The following COL26A1 variants were observed in gnomAD, a reference collection of about 807,000 sequenced individuals.
COL26A1 encodes the protein collagen alpha-1(XXVI) chain.
A neutral mutation model predicts 59.3 loss-of-function variants in COL26A1; 41 were observed. The ratio of observed to expected loss-of-function variants is 0.69; its 90% CI spans 0.54 to 0.90. The LOEUF (loss-of-function observed/expected upper bound fraction) is 0.90, where lower values mean the gene tolerates loss of function less well. COL26A1 is among the 40% of genes least tolerant of loss of function. COL26A1 has a pLI of 0.00. For synonymous variants in COL26A1, 266 were observed against 256.0 expected (o/e 1.04, Z -0.37); for missense variants, 612 against 602.3 (o/e 1.02, Z -0.17).
At chr7:101,493,697 G>C (rs556244996) in intron 3 of COL26A1, among the ~76,000 whole-genome samples, 43 of 149,852 alleles carry the variant, frequency 2.9e-4, no homozygotes, top group African/African-American at 1.0e-3. Context: ...CCAAGGTGGA[G>C]GATCACGAGG....
chr7:101,551,238 T>TTGGGGGGGGGGGCC, intron 10 of COL26A1, 95 bp downstream of exon 10: 1 of 491,350 alleles, frequency 2.0e-6, no homozygotes, highest in Non-Finnish European at 4.0e-6. Context: ...GGTGGGGGGG[T>TTGGGGGGGGGGGCC]TCAGCCCTGG....
At chr7:101,542,830 T>A (rs1275908827) in intron 5 of COL26A1, among the ~76,000 whole-genome samples, 1 of 152,084 alleles carries the variant, frequency 6.6e-6, no homozygotes, top group East Asian at 1.9e-4. Context: ...GTCCCTAAGG[T>A]CTCACCCCCA....
At chr7:101,433,441 G>A (rs1792828318) in intron 2 of COL26A1, among the ~76,000 whole-genome samples, 1 of 152,150 alleles carries the variant, frequency 6.6e-6, no homozygotes, top group Non-Finnish European at 1.5e-5. Context: ...TGGGGCTTAG[G>A]AGGGGAGGCA....
In COL26A1 at chr7:101,475,809, T is replaced by TTCCTTCCTTCCTTCC. The variant is rs1563000047; in HGVS notation, c.385+28023_385+28024insCCTTCCTTCCTTCCT. 4.2e-4 allele frequency among the ~76,000 whole-genome samples: 17 copies of TTCCTTCCTTCCTTCC among 40,948 alleles called. 1 individual carries two copies. The highest frequency in any genetic ancestry group is 2.4e-3 in the African/African-American group (17 of 7,110). 26.9% of individuals were successfully genotyped at this position (40,948 alleles called of 152,430 possible). A position where few individuals can be genotyped will look rare whatever the true frequency, so the allele number is the denominator to read the frequency against. The stretch of plus-strand genomic sequence containing the variant: ...CTTTCCTTCCTTCCTTCCTTCCTTC[T>TTCCTTCCTTCCTTCC]TTCTTTCTTTCTCTCTCTTTCTCTC... On this transcript the variant is annotated intron_variant, in intron 3 of 12. Transcript: ENST00000313669.
intron 3 of COL26A1, among the ~76,000 whole-genome samples, chr7:101,487,683 C>G (rs534206754): frequency 7.0e-4 from 106 of 152,326 alleles, no homozygotes; most frequent in Non-Finnish European, 2.1e-4. Flanking sequence ...CTGGCCACCA[C>G]TGTGTCCCCA....
At chr7:101,513,473 T>C (rs904613546) in intron 3 of COL26A1, among the ~76,000 whole-genome samples, 1 of 151,980 alleles carries the variant, frequency 6.6e-6, no homozygotes, top group Non-Finnish European at 1.5e-5. Context: ...ACTACAGGCA[T>C]GTGTCACCGT....
At chr7:101,401,424 GAGGAGA>G (rs1329237666) in intron 1 of COL26A1, among the ~76,000 whole-genome samples, 7 of 151,976 alleles carry the variant, frequency 4.6e-5, no homozygotes, top group African/African-American at 1.7e-4. Flanking sequence ...GCAGGAGGTG[GAGGAGA>G]AGGAGAAGGA....
rs544652946 is a variant in COL26A1 at position 101,457,959 on chromosome 7, C to T, written c.385+10172C>T. Among the ~76,000 whole-genome samples the T allele has an allele frequency of 1.4e-4, 21 of 149,306 alleles. No homozygotes were observed. The South Asian group carries it at 1.7e-3, about 12-fold the overall frequency. ...TTGCCCAAGCAGGAGAGCAATGGCA[C>T]GATCTCGGCTCATTGCAACCTCCGC... is the stretch of plus-strand genomic sequence containing the variant. On this transcript the variant is annotated intron_variant, in intron 3 of 12. Coordinates refer to ENST00000313669, the MANE Select transcript of COL26A1 (RefSeq NM_001278563.3).
chr7:101,546,401 AT>A (rs79673492), intron 7 of COL26A1, among the ~76,000 whole-genome samples: 12,628 of 141,750 alleles, frequency 0.089, 1,046 homozygotes, highest in African/African-American at 0.22. Context: ...CATCTAACTA[AT>A]TTTTTTTTTT....
At chr7:101,539,004 G>C (rs2130651777) in intron 4 of COL26A1, among the ~76,000 whole-genome samples, 1 of 152,340 alleles carries the variant, frequency 6.6e-6, no homozygotes, top group South Asian at 2.1e-4. Context: ...GGCCTCTTCG[G>C]GGGCAGCAGA....
At chr7:101,477,764 A>G (rs1794080796) in intron 3 of COL26A1, among the ~76,000 whole-genome samples, 1 of 151,888 alleles carries the variant, frequency 6.6e-6, no homozygotes, top group South Asian at 2.1e-4. Flanking sequence ...TGTTTTCAGC[A>G]CCTCTGTATA....
chr7:101,531,138 T>G (rs1366164132), intron 3 of COL26A1, among the ~76,000 whole-genome samples: 2 of 152,020 alleles, frequency 1.3e-5, no homozygotes, highest in Non-Finnish European at 2.9e-5. Flanking sequence ...GCCTGGCTAA[T>G]TTTTTGTATT....
rs969740927 is a variant in COL26A1, at chr7:101,419,998, G to A, written c.180G>A (p.Val60=). ...ASRRHWCHHT[V]TRTVSCQVQN... ...ACAGGCACTGGTGCCATCACACAGT[G>A]ACACGGACGGTGTCCTGCCAGGTGC... is the stretch of plus-strand genomic sequence containing the variant. Residue 60 remains valine, a synonymous_variant, in exon 2 of 13, where the codon GTG becomes GTA. Transcript: ENST00000313669. 2.5e-6 allele frequency: 4 copies of A among 1,613,630 alleles called. No homozygotes were observed. In the African/African-American group the frequency reaches 4.0e-5, roughly 16 times the overall value.
chr7:101,474,711 G>A (rs1043081670), intron 3 of COL26A1, among the ~76,000 whole-genome samples: 1 of 152,186 alleles, frequency 6.6e-6, no homozygotes, highest in Non-Finnish European at 1.5e-5. Context: ...CCATTGCTAA[G>A]TCCATAGTTA....
Position 101,532,996 on chromosome 7 carries a change from C to T in COL26A1, c.386-86C>T, listed in dbSNP as rs1026116726. On this transcript the variant is annotated intron_variant, in intron 3 of 12. Transcript: ENST00000313669. ...GACTGGAGATTTCTCTGCTTGCCTG[C>T]CTGCCCAGAGGCTATCCTGGTGACT... 17 of 992,178 alleles carry T rather than the reference C, an allele frequency of 1.7e-5. 1 individual carries two copies. In the South Asian group the frequency reaches 2.0e-4, roughly 11 times the overall value. 61.5% of individuals were successfully genotyped at this position (992,178 alleles called of 1,614,324 possible).
At chr7:101,370,704 ACTCT>A (rs764083092) in intron 1 of COL26A1, among the ~76,000 whole-genome samples, 2 of 151,402 alleles carry the variant, frequency 1.3e-5, no homozygotes, top group Non-Finnish European at 2.9e-5. Context: ...GCTGCTTCAA[ACTCT>A]CTCTGTCTCT....
At chr7:101,371,461 C>CA (rs1791189887) in intron 1 of COL26A1, among the ~76,000 whole-genome samples, 1 of 147,842 alleles carries the variant, frequency 6.8e-6, no homozygotes, top group African/African-American at 2.5e-5. Context: ...CCAGCTGGGA[C>CA]AACATAGCCA....
In COL26A1 at chr7:101,438,666, T is replaced by C. The variant is rs1284294591; in HGVS notation, c.282-9018T>C. On this transcript the variant is annotated intron_variant, in intron 2 of 12. Coordinates refer to ENST00000313669, the MANE Select transcript of COL26A1 (RefSeq NM_001278563.3). ...TGGCTACAGCCCCCTTAAGTTCCCCTTTCTTTTCTTTTTGTATTTTTTTTA... is the reference window on the plus strand; with the variant it reads ...TGGCTACAGCCCCCTTAAGTTCCCCCTTCTTTTCTTTTTGTATTTTTTTTA... Among the ~76,000 whole-genome samples the C allele has an allele frequency of 1.3e-5, 2 of 151,274 alleles. 1 individual carries two copies. Among genetic ancestry groups the C allele is most frequent in the African/African-American group, 4.8e-5 (2 of 41,300 alleles).
chr7:101,455,459 G>C (rs1793446394), intron 3 of COL26A1, among the ~76,000 whole-genome samples: 1 of 149,638 alleles, frequency 6.7e-6, no homozygotes, highest in African/African-American at 2.5e-5. Flanking sequence ...GTGCTTGCAT[G>C]TTAATTGCAC....
Sources: allele counts gnomAD v4.1 joint callset (sites outside exome capture counted in the v4.1 genomes callset), GRCh38; gene constraint gnomAD v4.1.1; transcripts MANE v1.5; gene names NCBI Gene and HGNC (gene_info 2026-07-23, HGNC 2026-07-21).